Variants in UNC45A observed in about 807,000 individuals in gnomAD.
UNC45A encodes unc-45 myosin chaperone A, also known as protein unc-45 homolog A.
Under a neutral mutation model 103.2 loss-of-function variants are expected in UNC45A, and 78 were observed. The observed-to-expected ratio is 0.76, with a 90% CI of 0.63 to 0.91. The LOEUF is 0.91. Among genes scored for constraint, UNC45A ranks in the 40% least tolerant of loss-of-function variants. The pLI is 0.00. For synonymous variants in UNC45A, 495 were observed against 504.6 expected (o/e 0.98, Z 0.25); for missense variants, 1,193 against 1,224.8 (o/e 0.97, Z 0.39).
At chr15:90,949,538 C>T in intron 14 of UNC45A, 95 bp downstream of exon 14, 1 of 1,598,004 alleles carries the variant, frequency 6.3e-7, no homozygotes, top group Non-Finnish European at 8.5e-7. Context: ...GTGCTGTGGG[C>T]CTCTTAGAGC....
intron 10 of UNC45A, chr15:90,947,574 CG>C: frequency 1.7e-6 from 1 of 574,266 alleles, no homozygotes; most frequent in South Asian, 2.0e-5. Flanking sequence ...CAGCGGCCAG[CG>C]CATCAGTGTC....
Position 90,950,231 on chromosome 15 carries a change from C to T in UNC45A, c.2151C>T (p.Ile717=), listed in dbSNP as rs897045473. 8.4e-6 allele frequency: 13 copies of T among 1,551,760 alleles called. No individual in the cohort carries two copies. Among genetic ancestry groups the T allele is most frequent in the Non-Finnish European group, 1.1e-5 (13 of 1,146,998 alleles). The change falls in exon 16 of 20, where the codon ATC becomes ATT. Residue 717 remains isoleucine (I), a synonymous_variant. Coordinates refer to ENST00000418476, the MANE Select transcript of UNC45A (RefSeq NM_018671.5). Reference sequence around the variant, plus strand: ...CCCAGGCCCTTGCCAAGCTCACCATCACCTCCAACCCGGAGATGACCTTCC... The same window carrying T: ...CCCAGGCCCTTGCCAAGCTCACCATTACCTCCAACCCGGAGATGACCTTCC... ...KAAQALAKLT[I]TSNPEMTFPG... is the part of the protein sequence containing the mutation.
rs776367858 is a variant in UNC45A, at chr15:90,949,375, G to A, written c.1938G>A (p.Ser646=). Residue 646 remains serine, a synonymous_variant, in exon 14 of 20, where the codon TCG becomes TCA. Coordinates refer to ENST00000418476, the MANE Select transcript of UNC45A (RefSeq NM_018671.5). ...VKKLLAAGVV[S]AMVCMVKTES... ...AGCTGCTGGCAGCGGGTGTGGTGTC[G>A]GCCATGGTGTGCATGGTGAAGACGG... 10 of 1,613,560 alleles carry A rather than the reference G, an allele frequency of 6.2e-6. No individual in the cohort carries two copies. Among genetic ancestry groups the A allele is most frequent in the South Asian group, 1.1e-5 (1 of 91,092 alleles).
Position 90,953,460 on chromosome 15 carries a change from C to T in UNC45A, c.2579C>T (p.Thr860Ile). 3.1e-6 allele frequency: 5 copies of T among 1,613,468 alleles called. No homozygotes were observed. The highest frequency in any genetic ancestry group is 4.2e-6 in the Non-Finnish European group (5 of 1,180,012). The part of the protein sequence containing the change: ...PTLCSRIPQV[T>I]THWLEILQAL... The stretch of plus-strand genomic sequence containing the variant: ...ATATCTACCCTGTTTTTCTCACAGA[C>T]CACACACTGGCTGGAGATCCTGCAG... The change falls in exon 20 of 20, where the codon ACC becomes ATC. Residue 860 changes from threonine (T) to isoleucine (I), a missense_variant and splice_region_variant. Physicochemically the swap from Thr to Ile is moderately conservative, Grantham distance 89 (BLOSUM62 -1). Transcript: ENST00000418476.
intron 17 of UNC45A, chr15:90,952,514 G>A (rs2036973763): frequency 5.9e-6 from 1 of 170,190 alleles, no homozygotes; most frequent in African/African-American, 2.4e-5. Flanking sequence ...TCACCTCCTG[G>A]GTTCAATCGC....
intron 1 of UNC45A, 80 bp downstream of exon 1, chr15:90,935,455 C>A: frequency 1.9e-6 from 3 of 1,576,886 alleles, no homozygotes; most frequent in Non-Finnish European, 2.6e-6. Flanking sequence ...ATCCATGAGG[C>A]TCGCCCCGAT....
In UNC45A at chr15:90,953,056, G is replaced by A. The variant is rs1323565892; in HGVS notation, c.2421+10G>A. 3 of 1,613,388 alleles carry A rather than the reference G, an allele frequency of 1.9e-6. No homozygotes were observed. Among genetic ancestry groups the A allele is most frequent in the Non-Finnish European group, 2.5e-6 (3 of 1,180,006 alleles). The stretch of plus-strand genomic sequence containing the variant: ...GGCCATGAGCAAGGAGGTGAGGGTT[G>A]GTCTGGGTGCTCATGACAGGCGGGG... On this transcript the variant is annotated intron_variant, in intron 18 of 19. Coordinates refer to ENST00000418476, the MANE Select transcript of UNC45A (RefSeq NM_018671.5).
upstream of UNC45A, chr15:90,931,669 C>T (rs1422341022): frequency 6.2e-7 from 1 of 1,613,856 alleles, no homozygotes; most frequent in African/African-American, 1.3e-5. Flanking sequence ...CGGCATCCCC[C>T]TCCCTTTTCC....
rs200601384 is a variant in UNC45A at position 90,937,489 on chromosome 15, TG to T, written c.426+1030del. Reference sequence around the variant, plus strand: ...GTATGTAAATACAAAGGAAAATAATTGTTTTTTTTTTTTTTGAGACGGAGTC... The same window carrying T: ...GTATGTAAATACAAAGGAAAATAATTTTTTTTTTTTTTTTGAGACGGAGTC... On this transcript the variant is annotated intron_variant, in intron 4 of 19. Transcript: ENST00000418476. Among the ~76,000 whole-genome samples the T allele has an allele frequency of 5.7e-3, 857 of 149,974 alleles. 18 individuals are homozygous for T. The highest frequency in any genetic ancestry group is 0.017 in the African/African-American group (704 of 40,806).
chr15:90,937,643 C>T (rs907089235), intron 4 of UNC45A, among the ~76,000 whole-genome samples: 9 of 151,876 alleles, frequency 5.9e-5, no homozygotes, highest in South Asian at 2.1e-4. Context: ...CCTGCCACCA[C>T]GCCCGGCTAA....
chr15:90,941,712 C>G (rs1350859423), intron 6 of UNC45A, among the ~76,000 whole-genome samples: 1 of 151,904 alleles, frequency 6.6e-6, no homozygotes, highest in African/African-American at 2.4e-5. Flanking sequence ...GTAATCCCAG[C>G]ACTTTGGAAG....
upstream of UNC45A, chr15:90,931,920 C>T: frequency 6.2e-7 from 1 of 1,613,972 alleles, no homozygotes; most frequent in African/African-American, 1.3e-5. Flanking sequence ...TCTGTGTCCT[C>T]CACCGTGTCA....
At position 90,946,722 on chromosome 15, in the gene UNC45A, C is replaced by T. The variant is rs552549904; in HGVS notation, c.1308C>T (p.Ser436=). The T allele has an allele frequency of 9.1e-5, 147 of 1,613,502 alleles. No homozygotes were observed. The South Asian group carries it at 1.1e-3, about 12-fold the overall frequency. Residue 436 remains serine, a synonymous_variant, in exon 10 of 20, where the codon AGC becomes AGT. Transcript: ENST00000418476. ...CDAGNRALEL[S]GVMESVIALC... is the part of the protein sequence containing the mutation. ...CTGGCAACCGGGCCTTGGAGCTGAG[C>T]GGTGTCATGGAGAGTGTGATTGCTC...
At chr15:90,935,235 G>A (rs373274696), upstream of UNC45A, 242 of 1,315,090 alleles carry the variant, frequency 1.8e-4, no homozygotes, top group African/African-American at 3.2e-3. Context: ...ACGCAAGAGT[G>A]GGGCGGGGCA....
Position 90,939,784 on chromosome 15 carries a change from G to T in UNC45A, c.480G>T (p.Leu160=), listed in dbSNP as rs765663280. 1 of 1,614,202 alleles carries T rather than the reference G, an allele frequency of 6.2e-7. No homozygotes were observed. Among genetic ancestry groups the T allele is most frequent in the Non-Finnish European group, 8.5e-7 (1 of 1,180,038 alleles). Residue 160 remains leucine (L), a synonymous_variant, in exon 5 of 20, where the codon CTG becomes CTT. Coordinates refer to ENST00000418476, the MANE Select transcript of UNC45A (RefSeq NM_018671.5). ...AAGTGGAACAGATGTTTCAGATACTGTTGGACCCAGAAGAGAAGGGCACTG... is the reference window on the plus strand; with the variant it reads ...AAGTGGAACAGATGTTTCAGATACTTTTGGACCCAGAAGAGAAGGGCACTG... ...DAKVEQMFQI[L]LDPEEKGTEK... is the part of the protein sequence containing the mutation.
chr15:90,944,213 C>G (rs780867288), intron 8 of UNC45A, among the ~76,000 whole-genome samples: 2 of 151,724 alleles, frequency 1.3e-5, no homozygotes, highest in Non-Finnish European at 2.9e-5. Context: ...GGTGAAACCC[C>G]GTCTCTACTA....
At chr15:90,945,099 T>G in intron 9 of UNC45A, 36 bp downstream of exon 9, 1 of 1,603,734 alleles carries the variant, frequency 6.2e-7, no homozygotes, top group Non-Finnish European at 8.5e-7. Context: ...TTGCCAGGGA[T>G]TCTAGCGAAA....
chr15:90,943,428 A>G (rs2036395237), intron 8 of UNC45A, among the ~76,000 whole-genome samples: 1 of 115,810 alleles, frequency 8.6e-6, no homozygotes, highest in African/African-American at 4.0e-5. Flanking sequence ...GACTGTCTCA[A>G]AAAAAAAAAA....
At position 90,942,994 on chromosome 15, in the gene UNC45A, C is replaced by T; in HGVS notation, c.939C>T (p.Asp313=). The change falls in exon 8 of 20, where the codon GAC becomes GAT. Residue 313 remains aspartate, a synonymous_variant. Coordinates refer to ENST00000418476, the MANE Select transcript of UNC45A (RefSeq NM_018671.5). ...TEVGVSGQGR[D]NALTLLIKAV... is the part of the protein sequence containing the mutation. ...TGGGGGTCTCTGGCCAAGGCCGAGACAATGCCCTGACCCTCCTGATTAAAG... is the reference window on the plus strand; with the variant it reads ...TGGGGGTCTCTGGCCAAGGCCGAGATAATGCCCTGACCCTCCTGATTAAAG... The T allele has an allele frequency of 6.2e-7, 1 of 1,614,232 alleles. No homozygotes were observed. The highest frequency in any genetic ancestry group is 8.5e-7 in the Non-Finnish European group (1 of 1,180,030).
Sources: gnomAD v4.1 joint callset for allele counts (sites outside exome capture counted in the v4.1 genomes callset) on GRCh38, gnomAD v4.1.1 for gene constraint, MANE v1.5 for transcripts, NCBI Gene and HGNC (gene_info 2026-07-23, HGNC 2026-07-21) for gene names.